PRKN: variants seen among roughly 807,000 people sequenced by gnomAD.
The protein encoded by PRKN is parkin RBR E3 ubiquitin protein ligase.
Under a neutral mutation model 59.5 loss-of-function variants are expected in PRKN, and 56 were observed. The observed-to-expected ratio is 0.94, with a 90% CI of 0.76 to 1.18. PRKN has a LOEUF of 1.18. PRKN is among the 50% of genes most tolerant of loss of function. The pLI is 0.00. For synonymous variants in PRKN, 250 were observed against 222.1 expected, an observed-to-expected ratio of 1.13 and a Z score of -1.12; for missense variants, 657 against 596.4, an observed-to-expected ratio of 1.10 and a Z score of -1.06.
Position 161,588,183 on chromosome 6 carries a change from A to C in PRKN, c.872-18767T>G, listed in dbSNP as rs1781588011. On this transcript the variant is annotated intron_variant, in intron 7 of 11. Coordinates refer to ENST00000366898, the MANE Select transcript of PRKN (RefSeq NM_004562.3). This position sits in a 1 kb window ranked among gnomAD's most constrained non-coding sequence, Gnocchi z 5.0. ...GGTGGATCACAAGGTCAGGAGTTCG[A>C]GACCAGCCTGGCTAACATGGCAAAA... Among the ~76,000 whole-genome samples, 1 of 152,104 alleles carries C rather than the reference A, an allele frequency of 6.6e-6. No individual in the cohort carries two copies. Among genetic ancestry groups the C allele is most frequent in the Admixed American group, 6.5e-5 (1 of 15,268 alleles).
In PRKN at chr6:161,545,286, C is replaced by T; in HGVS notation, c.1083+3568G>A. The T allele has an allele frequency of 6.6e-7, 1 of 1,513,446 alleles. No individual in the cohort carries two copies. Among genetic ancestry groups the T allele is most frequent in the Non-Finnish European group, 8.9e-7 (1 of 1,128,506 alleles). The allele number at this position is 1,513,446 out of a possible 1,614,324, so 93.8% of individuals were successfully genotyped here. ...AATCTGTGAACCACATCCTGATAAT[C>T]ACTGGAGTTAATGACGTCTAGGGCT... is the stretch of plus-strand genomic sequence containing the variant. On this transcript the variant is annotated intron_variant, in intron 9 of 11. Coordinates refer to ENST00000366898, the MANE Select transcript of PRKN (RefSeq NM_004562.3). The surrounding 1 kb of genome is among the most constrained non-coding windows in gnomAD (Gnocchi z 4.1).
intron 6 of PRKN, among the ~76,000 whole-genome samples, chr6:161,862,991 G>A (rs545388640): frequency 3.3e-5 from 5 of 152,256 alleles, no homozygotes; most frequent in Admixed American, 3.3e-4. Flanking sequence ...TATCCAGGAT[G>A]AACTGATTTT....
In PRKN at chr6:161,589,210, C is replaced by T. The variant is rs186276471; in HGVS notation, c.872-19794G>A. Among the ~76,000 whole-genome samples the T allele has an allele frequency of 2.2e-4, 33 of 152,328 alleles. No homozygotes were observed. In the East Asian group the frequency reaches 5.0e-3, roughly 23 times the overall value. On this transcript the variant is annotated intron_variant, in intron 7 of 11. Coordinates refer to ENST00000366898, the MANE Select transcript of PRKN (RefSeq NM_004562.3). ...GCTGCAGAAGCCAGGGTAAGGAGGA[C>T]GCGCAGAGACGCCCCGCTGCTGAGA...
chr6:161,866,623 C>T (rs1259985265), intron 6 of PRKN, among the ~76,000 whole-genome samples: 1 of 152,086 alleles, frequency 6.6e-6, no homozygotes, highest in Non-Finnish European at 1.5e-5. Context: ...AACAGAGACA[C>T]ACAAATGAGC....
intron 7 of PRKN, among the ~76,000 whole-genome samples, chr6:161,572,194 T>C (rs1780916880): frequency 6.6e-6 from 1 of 152,210 alleles, no homozygotes; most frequent in Admixed American, 6.5e-5. Flanking sequence ...TTATTTCCAA[T>C]TCCAAAATTC....
chr6:161,503,656 C>T lies in PRKN; in HGVS notation c.1083+45198G>A, dbSNP rs1778043280. Among the ~76,000 whole-genome samples, 1 of 152,194 alleles carries T rather than the reference C, an allele frequency of 6.6e-6. No individual in the cohort carries two copies. Among genetic ancestry groups the T allele is most frequent in the South Asian group, 2.1e-4 (1 of 4,826 alleles). On this transcript the variant is annotated intron_variant, in intron 9 of 11. Transcript: ENST00000366898. The surrounding 1 kb of genome is among the most constrained non-coding windows in gnomAD (Gnocchi z 5.1). ...AGGCAGTTGCTCTGCCCCCAGAGCC[C>T]TGCTTCGAGAGCCTCTATGCTTCTA...
chr6:162,552,390 C>T (rs760165671), intron 1 of PRKN, among the ~76,000 whole-genome samples: 5 of 151,970 alleles, frequency 3.3e-5, no homozygotes, highest in Admixed American at 1.3e-4. Context: ...AGCAAGGTGC[C>T]GGCAGGTTAT....
At chr6:161,796,142 A>G (rs1401446731) in intron 6 of PRKN, among the ~76,000 whole-genome samples, 2 of 152,190 alleles carry the variant, frequency 1.3e-5, no homozygotes, top group Non-Finnish European at 2.9e-5. Flanking sequence ...CACGATTACA[A>G]GATGGAATTA....
At chr6:162,563,132 C>T (rs1405845640) in intron 1 of PRKN, among the ~76,000 whole-genome samples, 1 of 152,110 alleles carries the variant, frequency 6.6e-6, no homozygotes, top group Non-Finnish European at 1.5e-5. Flanking sequence ...GAAACCCTGT[C>T]TTTACTAAGG....
intron 1 of PRKN, among the ~76,000 whole-genome samples, chr6:162,572,802 T>C (rs1197541670): frequency 6.6e-6 from 1 of 152,174 alleles, no homozygotes; most frequent in Non-Finnish European, 1.5e-5. Flanking sequence ...AAAATATTTA[T>C]AGAAAATTTA....
chr6:161,788,919 TATC>T (rs2128207469), intron 6 of PRKN, among the ~76,000 whole-genome samples: 1 of 152,310 alleles, frequency 6.6e-6, no homozygotes, highest in Admixed American at 6.5e-5. Context: ...TAGATACAGA[TATC>T]AATATATGAA....
intron 2 of PRKN, among the ~76,000 whole-genome samples, chr6:162,411,138 A>C (rs1788336291): frequency 6.6e-6 from 1 of 152,214 alleles, no homozygotes. Context: ...TTTACTTTTA[A>C]AAAGGTTACG....
Position 161,740,309 on chromosome 6 carries a change from T to C in PRKN, c.871+45463A>G, listed in dbSNP as rs796132282. ...TTTGTCCCTTTGAACCTAAGGATGT[T>C]ATTGTCCTCGTCTATATCAACTACG... On this transcript the variant is annotated intron_variant, in intron 7 of 11. Transcript: ENST00000366898. 9.2e-5 allele frequency among the ~76,000 whole-genome samples: 14 copies of C among 152,334 alleles called. 1 individual carries two copies. Among genetic ancestry groups the C allele is most frequent in the African/African-American group, 3.4e-4 (14 of 41,572 alleles).
chr6:161,704,209 T>C (rs1786386880), intron 7 of PRKN, among the ~76,000 whole-genome samples: 1 of 152,078 alleles, frequency 6.6e-6, no homozygotes, highest in East Asian at 1.9e-4. Flanking sequence ...CTGTGTGGCA[T>C]CTAGAAGACG....
chr6:161,771,070 T>C (rs1789654589), intron 7 of PRKN, among the ~76,000 whole-genome samples: 1 of 150,982 alleles, frequency 6.6e-6, no homozygotes. Context: ...GAGACAGTAG[T>C]TGATGGCCGG....
chr6:161,515,326 GGTTAA>G, intron 9 of PRKN, among the ~76,000 whole-genome samples: 1 of 152,226 alleles, frequency 6.6e-6, no homozygotes, highest in South Asian at 2.1e-4. Flanking sequence ...GTATTAACCT[GGTTAA>G]GTTTTCTGGA....
intron 3 of PRKN, among the ~76,000 whole-genome samples, chr6:162,242,802 G>A (rs532544177): frequency 1.3e-5 from 2 of 151,956 alleles, no homozygotes; most frequent in Admixed American, 6.6e-5. Context: ...CTGCATTTTC[G>A]CCTTCTGTTG....
At chr6:161,691,769 A>G (rs1384359106) in intron 7 of PRKN, among the ~76,000 whole-genome samples, 1 of 152,262 alleles carries the variant, frequency 6.6e-6, no homozygotes, top group Non-Finnish European at 1.5e-5. Context: ...AGCTGAAACA[A>G]GAAGGCAGAG....
chr6:161,365,126 T>C (rs1437449617), intron 10 of PRKN, among the ~76,000 whole-genome samples: 5 of 151,688 alleles, frequency 3.3e-5, no homozygotes, highest in Non-Finnish European at 4.4e-5. Context: ...AAAAATACAG[T>C]GGAAATGGCA....
Sources: gnomAD v4.1 joint callset for allele counts (sites outside exome capture counted in the v4.1 genomes callset) on GRCh38, gnomAD v4.1.1 for gene constraint, Gnocchi (gnomAD v3.1) non-coding constraint, MANE v1.5 for transcripts, NCBI Gene and HGNC (gene_info 2026-07-23, HGNC 2026-07-21) for gene names.